Variants in DOCK1 observed in about 807,000 individuals in gnomAD.
The protein encoded by DOCK1 is dedicator of cytokinesis protein 1.
DOCK1 carries 138 observed loss-of-function variants against 262.7 expected under a neutral mutation model. The ratio of observed to expected loss-of-function variants is 0.53; its 90% confidence interval spans 0.46 to 0.61. The LOEUF (loss-of-function observed/expected upper bound fraction) is 0.61, where lower values mean the gene tolerates loss of function less well. Ranked by LOEUF, DOCK1 falls within the 20% of genes least tolerant of loss-of-function variation. The probability of loss-of-function intolerance (pLI) is 0.00; values close to 1 mark genes in which losing one functional copy is unlikely to be tolerated. For synonymous variants in DOCK1, 866 were observed against 867.4 expected (o/e 1.00, Z 0.03); for missense variants, 1,908 against 2,370.7 (o/e 0.80, Z 4.05).
intron 27 of DOCK1, among the ~76,000 whole-genome samples, chr10:127,234,778 A>G (rs1376663862): frequency 1.3e-5 from 2 of 152,002 alleles, no homozygotes; most frequent in Non-Finnish European, 2.9e-5. Flanking sequence ...TAAAGTATTA[A>G]TTAAATTGAA....
intron 1 of DOCK1, among the ~76,000 whole-genome samples, chr10:126,955,086 T>C (rs2134453398): frequency 6.6e-6 from 1 of 152,350 alleles, no homozygotes; most frequent in Non-Finnish European, 1.5e-5. Context: ...ATTTAAATAA[T>C]AGCCATCCTA....
At chr10:127,423,785 ATC>A (rs2134524298) in intron 46 of DOCK1, among the ~76,000 whole-genome samples, 1 of 152,284 alleles carries the variant, frequency 6.6e-6, no homozygotes, top group South Asian at 2.1e-4. Flanking sequence ...CAGGGCATGA[ATC>A]TGTGCAGGGG....
chr10:127,253,188 C>T (rs375659333), intron 28 of DOCK1, among the ~76,000 whole-genome samples: 3 of 152,196 alleles, frequency 2.0e-5, no homozygotes, highest in East Asian at 1.9e-4. Flanking sequence ...CACGTGTCCA[C>T]GTCTCAGTAA....
At chr10:127,092,117 C>T (rs1376092817) in intron 23 of DOCK1, among the ~76,000 whole-genome samples, 3 of 152,186 alleles carry the variant, frequency 2.0e-5, no homozygotes, top group Admixed American at 1.3e-4. Flanking sequence ...GGTGACTGTA[C>T]TGGCCAGAGC....
At chr10:127,286,251 A>G (rs1187485911) in intron 29 of DOCK1, among the ~76,000 whole-genome samples, 1 of 151,990 alleles carries the variant, frequency 6.6e-6, no homozygotes, top group African/African-American at 2.4e-5. Context: ...TGAAAAAGAA[A>G]TCTATTTTAT....
At position 126,933,627 on chromosome 10, in the gene DOCK1, A is replaced by T. The variant is rs892552512; in HGVS notation, c.46+28064A>T. On this transcript the variant is annotated intron_variant, in intron 1 of 51. Coordinates refer to ENST00000623213, the MANE Select transcript of DOCK1 (RefSeq NM_001290223.2). Reference sequence around the variant, plus strand: ...GGAGTGCCCTGAGTCAGCCCCCCGGATGAGCAGGAGGACATACATGCAGGG... The same window carrying T: ...GGAGTGCCCTGAGTCAGCCCCCCGGTTGAGCAGGAGGACATACATGCAGGG... Among the ~76,000 whole-genome samples, 1,152 of 152,196 alleles carry T rather than the reference A, an allele frequency of 7.6e-3. 5 individuals carry two copies. Among genetic ancestry groups the T allele is most frequent in the South Asian group, 0.018 (86 of 4,822 alleles).
Position 127,175,145 on chromosome 10 carries a change from G to C in DOCK1, c.2847+47381G>C, listed in dbSNP as rs769451942. ...TAGTCTCATTACAGACTTGGGTTTGGGGCTACAGATGGACTCTGTGGTGAT... is the reference window on the plus strand; with the variant it reads ...TAGTCTCATTACAGACTTGGGTTTGCGGCTACAGATGGACTCTGTGGTGAT... On this transcript the variant is annotated intron_variant, in intron 27 of 51. Transcript: ENST00000623213. The surrounding 1 kb of genome is among the most constrained non-coding windows in gnomAD (Gnocchi z 6.3). 31 of 1,364,144 alleles carry C rather than the reference G, an allele frequency of 2.3e-5. No homozygotes were observed. The highest frequency in any genetic ancestry group is 3.2e-5 in the Non-Finnish European group (31 of 981,782). 84.5% of individuals were successfully genotyped at this position (1,364,144 alleles called of 1,614,324 possible).
Position 127,444,296 on chromosome 10 carries a change from C to A in DOCK1, c.5413+17C>A. On this transcript the variant is annotated intron_variant, in intron 50 of 51. Transcript: ENST00000623213. ...TGCAGTCGAGTAAGTGGAACGCTCC[C>A]CACATACGAATCGTGCTATAGCTCC... The A allele has an allele frequency of 6.3e-7, 1 of 1,583,988 alleles. No individual in the cohort carries two copies. The highest frequency in any genetic ancestry group is 8.6e-7 in the Non-Finnish European group (1 of 1,167,036).
At chr10:126,992,760 A>ACACATG (rs1479341776) in intron 6 of DOCK1, among the ~76,000 whole-genome samples, 2 of 146,010 alleles carry the variant, frequency 1.4e-5, no homozygotes, top group African/African-American at 4.9e-5. Context: ...ACACACACAC[A>ACACATG]CACAGACAGA....
At chr10:127,103,458 G>A (rs1389643960) in intron 23 of DOCK1, among the ~76,000 whole-genome samples, 1 of 152,152 alleles carries the variant, frequency 6.6e-6, no homozygotes, top group Non-Finnish European at 1.5e-5. Context: ...GGGGTGAAGG[G>A]ACAGGGAGAT....
rs372634975 is a variant in DOCK1, at chr10:127,328,570, C to T, written c.3045-10436C>T. ...AGAGGCTTGCCAGGGATGGCAGGGA[C>T]GCCAGGGACAGCAAGGACGGCAGGG... is the stretch of plus-strand genomic sequence containing the variant. On this transcript the variant is annotated intron_variant, in intron 29 of 51. Transcript: ENST00000623213. 7.2e-5 allele frequency among the ~76,000 whole-genome samples: 11 copies of T among 151,982 alleles called. No individual in the cohort carries two copies. In the East Asian group the frequency reaches 7.7e-4, roughly 11 times the overall value.
intron 29 of DOCK1, among the ~76,000 whole-genome samples, chr10:127,306,747 T>G (rs2061892088): frequency 6.6e-6 from 1 of 152,168 alleles, no homozygotes; most frequent in African/African-American, 2.4e-5. Flanking sequence ...ACTTTAAAAT[T>G]TATCTCTCTG....
chr10:126,952,349 G>A (rs1346907098), intron 1 of DOCK1, among the ~76,000 whole-genome samples: 1 of 147,208 alleles, frequency 6.8e-6, no homozygotes, highest in Non-Finnish European at 1.5e-5. Context: ...TGATGGTGGT[G>A]GTAATATTGT....
intron 4 of DOCK1, among the ~76,000 whole-genome samples, chr10:126,982,720 C>G (rs2039073145): frequency 6.6e-6 from 1 of 152,058 alleles, no homozygotes. Flanking sequence ...TTCCATAGTT[C>G]CATGATGCAT....
At chr10:127,354,363 TC>T (rs2064032617) in intron 31 of DOCK1, among the ~76,000 whole-genome samples, 1 of 152,144 alleles carries the variant, frequency 6.6e-6, no homozygotes, top group Non-Finnish European at 1.5e-5. Flanking sequence ...GGAACCAAGC[TC>T]CCCCTTGGGC....
chr10:127,211,139 G>T (rs1488834418), intron 27 of DOCK1, among the ~76,000 whole-genome samples: 1 of 152,138 alleles, frequency 6.6e-6, no homozygotes, highest in Non-Finnish European at 1.5e-5. Context: ...CTGTACAATT[G>T]TGTCTGTGAT....
At chr10:126,961,414 G>T (rs1033525553) in intron 1 of DOCK1, among the ~76,000 whole-genome samples, 1 of 152,180 alleles carries the variant, frequency 6.6e-6, no homozygotes, top group Non-Finnish European at 1.5e-5. Context: ...ATAGAGAAGC[G>T]CTGTCTCTAC....
intron 27 of DOCK1, among the ~76,000 whole-genome samples, chr10:127,217,998 G>C (rs1424585606): frequency 6.6e-6 from 1 of 151,940 alleles, no homozygotes; most frequent in Non-Finnish European, 1.5e-5. Context: ...TTGAGGATCA[G>C]ATGGTTGTAG....
chr10:126,978,889 C>T, intron 3 of DOCK1, among the ~76,000 whole-genome samples: 1 of 152,162 alleles, frequency 6.6e-6, no homozygotes, highest in East Asian at 1.9e-4. Context: ...TTCCCCAGAG[C>T]CCCTAACCCA....
Sources: allele counts gnomAD v4.1 joint callset (sites outside exome capture counted in the v4.1 genomes callset), GRCh38; gene constraint gnomAD v4.1.1; non-coding constraint Gnocchi (gnomAD v3.1); transcripts MANE v1.5; gene names NCBI Gene and HGNC (gene_info 2026-07-23, HGNC 2026-07-21).